The following KCNN2 variants were observed in gnomAD, a reference collection of about 807,000 sequenced individuals.
The protein encoded by KCNN2 is potassium calcium-activated channel subfamily N member 2, also known as small conductance calcium-activated potassium channel protein 2.
A neutral mutation model predicts 55.5 loss-of-function variants in KCNN2; 24 were observed. The observed-to-expected ratio is 0.43, with a 90% CI of 0.31 to 0.61. The LOEUF (loss-of-function observed/expected upper bound fraction) is 0.61, where lower values mean the gene tolerates loss of function less well. Among genes scored for constraint, KCNN2 ranks in the 20% least tolerant of loss-of-function variants. The pLI is 0.08. For synonymous variants in KCNN2, 431 were observed against 336.1 expected, an observed-to-expected ratio of 1.28 and a Z score of -3.09; for missense variants, 754 against 853.6, an observed-to-expected ratio of 0.88 and a Z score of 1.45.
At chr5:114,423,716 A>ACT (rs1759536857) in intron 3 of KCNN2, among the ~76,000 whole-genome samples, 1 of 152,202 alleles carries the variant, frequency 6.6e-6, no homozygotes, top group African/African-American at 2.4e-5. Flanking sequence ...GTGTAAACAA[A>ACT]CTGTCATTTG....
chr5:114,205,699 C>A (rs1408359494), intron 1 of KCNN2, among the ~76,000 whole-genome samples: 1 of 152,140 alleles, frequency 6.6e-6, no homozygotes, highest in African/African-American at 2.4e-5. Context: ...AACCCAAATG[C>A]AGTGAATAAT....
intron 3 of KCNN2, among the ~76,000 whole-genome samples, chr5:114,445,091 T>C (rs918422733): frequency 2.0e-5 from 3 of 152,184 alleles, no homozygotes; most frequent in African/African-American, 7.2e-5. Context: ...TGTATATGTG[T>C]GTGTCTTTAC....
intron 2 of KCNN2, among the ~76,000 whole-genome samples, chr5:114,306,365 A>T (rs377026719): frequency 1.3e-3 from 194 of 152,328 alleles, no homozygotes; most frequent in Middle Eastern, 6.8e-3. Context: ...GGTTTTGCAG[A>T]GGCCAAACAG....
intron 2 of KCNN2, among the ~76,000 whole-genome samples, chr5:114,303,585 A>T (rs941677713): frequency 6.6e-6 from 1 of 152,220 alleles, no homozygotes; most frequent in East Asian, 1.9e-4. Context: ...GAATGACAGT[A>T]CATTATTTGG....
chr5:114,065,215 C>G lies in KCNN2; in HGVS notation c.-271+8715C>G, dbSNP rs2112516435. Among the ~76,000 whole-genome samples the G allele has an allele frequency of 2.6e-5, 4 of 152,238 alleles. No homozygotes were observed. In the South Asian group the frequency reaches 8.3e-4, roughly 32 times the overall value. ...TTGGAGTAGTTCATAGGAGAGAAGA[C>G]AAAAGAGGAACTTAGCTTTCTAGCT... is the stretch of plus-strand genomic sequence containing the variant. On this transcript the variant is annotated intron_variant, in intron 1 of 10. Transcript: ENST00000512097.
chr5:114,347,327 C>A (rs1044355258), intron 2 of KCNN2, among the ~76,000 whole-genome samples: 1 of 152,162 alleles, frequency 6.6e-6, no homozygotes, highest in Non-Finnish European at 1.5e-5. Context: ...CTGGAAGACA[C>A]CATTGTCACC....
rs2150045099 is a variant in KCNN2, at chr5:114,362,438, G to C, written c.299G>C (p.Arg100Pro). Residue 100 changes from arginine (R) to proline (P), a missense_variant, in exon 1 of 8, where the codon CGG becomes CCG. Arg to Pro is a moderately radical substitution (Grantham distance 103, BLOSUM62 -2). This residue lies in a region of KCNN2 where 381 missense variants were observed against 259.1 expected (regional missense o/e 1.47). Coordinates refer to ENST00000673685, the MANE Select transcript of KCNN2 (RefSeq NM_021614.4). ...LRTSSPGGAFRTRTSSPLSGS... is the reference protein window; with the variant it reads ...LRTSSPGGAFPTRTSSPLSGS... ...ACCTCCTCGCCCGGCGGCGCCTTCC[G>C]GACCCGCACCTCCTCGCCGCTGTCG... is the stretch of plus-strand genomic sequence containing the variant. The C allele has an allele frequency of 2.7e-6, 1 of 369,096 alleles. No individual in the cohort carries two copies. Among genetic ancestry groups the C allele is most frequent in the East Asian group, 4.9e-5 (1 of 20,306 alleles). 22.9% of individuals were successfully genotyped at this position (369,096 alleles called of 1,614,324 possible).
chr5:114,491,157 G>T (rs993385427), intron 6 of KCNN2, among the ~76,000 whole-genome samples: 5 of 152,064 alleles, frequency 3.3e-5, no homozygotes. Flanking sequence ...ATTAGGCCCC[G>T]TTGTTTATAA....
At chr5:114,176,166 C>T (rs1193858586) in intron 1 of KCNN2, among the ~76,000 whole-genome samples, 1 of 152,132 alleles carries the variant, frequency 6.6e-6, no homozygotes. Context: ...GAATCTTTAG[C>T]AGCATCCATG....
At chr5:114,224,696 T>G (rs942597010) in intron 2 of KCNN2, among the ~76,000 whole-genome samples, 1 of 152,088 alleles carries the variant, frequency 6.6e-6, no homozygotes, top group Non-Finnish European at 1.5e-5. Context: ...TCAGTAGTAG[T>G]GTAATTATTT....
At chr5:114,209,168 C>T (rs1287073839) in intron 1 of KCNN2, among the ~76,000 whole-genome samples, 4 of 151,696 alleles carry the variant, frequency 2.6e-5, no homozygotes, top group Non-Finnish European at 5.9e-5. Context: ...GGGATCCTCC[C>T]GCCTCAGCCT....
intron 1 of KCNN2, among the ~76,000 whole-genome samples, chr5:114,067,477 T>C (rs190613867): frequency 9.2e-5 from 14 of 152,354 alleles, no homozygotes; most frequent in Non-Finnish European, 1.9e-4. Context: ...TTTAATCTAA[T>C]GGGATATAAG....
intron 2 of KCNN2, among the ~76,000 whole-genome samples, chr5:114,311,155 A>G (rs1035980354): frequency 8.5e-5 from 13 of 152,192 alleles, no homozygotes; most frequent in African/African-American, 2.4e-4. Context: ...GCATGTATAT[A>G]TATATTTTTA....
intron 3 of KCNN2, among the ~76,000 whole-genome samples, chr5:114,424,360 C>G (rs577117964): frequency 6.6e-6 from 1 of 152,260 alleles, no homozygotes; most frequent in Non-Finnish European, 1.5e-5. Flanking sequence ...CTTAGCTATA[C>G]TGAAAGAATC....
intron 5 of KCNN2, among the ~76,000 whole-genome samples, chr5:114,482,957 A>T (rs1441913163): frequency 6.6e-6 from 1 of 152,050 alleles, no homozygotes; most frequent in African/African-American, 2.4e-5. Context: ...TGATGGAATG[A>T]TCTGTGCAGC....
chr5:114,163,847 G>T (rs1256819061), intron 1 of KCNN2, among the ~76,000 whole-genome samples: 1 of 152,200 alleles, frequency 6.6e-6, no homozygotes, highest in Non-Finnish European at 1.5e-5. Context: ...GTAAATGGTT[G>T]CTATGGCTGT....
intron 3 of KCNN2, among the ~76,000 whole-genome samples, chr5:114,437,790 T>C (rs1760060369): frequency 6.6e-6 from 1 of 152,170 alleles, no homozygotes; most frequent in Admixed American, 6.5e-5. Flanking sequence ...GAAGAGGACA[T>C]TGAGAAGCAG....
chr5:114,176,339 T>G (rs1352497036), intron 1 of KCNN2, among the ~76,000 whole-genome samples: 2 of 152,208 alleles, frequency 1.3e-5, no homozygotes, highest in Non-Finnish European at 2.9e-5. Flanking sequence ...TTTTTGGTAT[T>G]TCATCCTTAG....
chr5:114,100,024 T>C (rs1215244430), intron 1 of KCNN2, among the ~76,000 whole-genome samples: 1 of 152,056 alleles, frequency 6.6e-6, no homozygotes, highest in African/African-American at 2.4e-5. Context: ...TTATTCCTAA[T>C]TTAAACATCT....
Sources: gnomAD v4.1 joint callset for allele counts (sites outside exome capture counted in the v4.1 genomes callset) on GRCh38, gnomAD v4.1.1 for gene constraint, gnomAD v4.1.1 regional missense constraint, MANE v1.5 for transcripts, NCBI Gene and HGNC (gene_info 2026-07-23, HGNC 2026-07-21) for gene names.